TENM1: variants seen among roughly 807,000 people sequenced by gnomAD.
TENM1 encodes the protein teneurin-1.
TENM1 carries 35 observed loss-of-function variants against 174.8 expected under a neutral mutation model. The ratio of observed to expected loss-of-function variants is 0.20; its 90% CI spans 0.15 to 0.27. The LOEUF (loss-of-function observed/expected upper bound fraction) is 0.27. TENM1 is among the 10% of genes least tolerant of loss of function. TENM1 has a pLI of 1.00. For synonymous variants in TENM1, 781 were observed against 798.7 expected (o/e 0.98, Z 0.37); for missense variants, 1,633 against 2,130.1 (o/e 0.77, Z 4.59).
At chrX:125,142,895 C>T in the TENM1 span, among the ~76,000 whole-genome samples, 1 of 111,720 alleles carries the variant, frequency 9.0e-6, no homozygotes, top group Non-Finnish European at 1.9e-5. Flanking sequence ...GCCCCTAAAT[C>T]GGCCCATCAA....
the TENM1 span, among the ~76,000 whole-genome samples, chrX:125,124,836 G>A: frequency 8.9e-6 from 1 of 112,084 alleles, no homozygotes; most frequent in Admixed American, 9.5e-5. Context: ...ACGTTTTGGA[G>A]TGGAAATAAC....
chrX:124,761,156 T>C lies in TENM1; in HGVS notation c.536-23959A>G, dbSNP rs182700523. On this transcript the variant is annotated intron_variant, in intron 3 of 31. Coordinates refer to ENST00000422452, the Ensembl canonical transcript of TENM1. ...GTGGCGATTCCTCAAGGATCTAGAA[T>C]TGGAAATACCATTTGACCCAGCCAT... is the stretch of plus-strand genomic sequence containing the variant. Among the ~76,000 whole-genome samples, 51 of 111,127 alleles carry C rather than the reference T, an allele frequency of 4.6e-4. 1 individual carries two copies. Among genetic ancestry groups the C allele is most frequent in the African/African-American group, 1.6e-3 (49 of 30,584 alleles).
chrX:125,144,234 G>T, the TENM1 span, among the ~76,000 whole-genome samples: 4 of 111,072 alleles, frequency 3.6e-5, no homozygotes, highest in Non-Finnish European at 5.7e-5. Flanking sequence ...TTTAAACATT[G>T]AATAATATAA....
At chrX:124,787,088 T>C (rs1370880000) in intron 3 of TENM1, among the ~76,000 whole-genome samples, 3 of 111,452 alleles carry the variant, frequency 2.7e-5, no homozygotes, top group Non-Finnish European at 5.7e-5. Context: ...AAATAAAAAA[T>C]ATTATTGCCC....
At chrX:125,115,156 T>G in the TENM1 span, among the ~76,000 whole-genome samples, 3 of 111,719 alleles carry the variant, frequency 2.7e-5, no homozygotes, top group Non-Finnish European at 5.6e-5. Flanking sequence ...ATTATCTCAA[T>G]AGATCCAGAA....
intron 1 of TENM1, among the ~76,000 whole-genome samples, chrX:124,923,044 T>C (rs1199176970): frequency 2.7e-5 from 3 of 112,120 alleles, no homozygotes; most frequent in African/African-American, 9.7e-5. Flanking sequence ...TTCTATTTAT[T>C]TGACAAAATA....
At chrX:124,508,828 T>C (rs990357750) in intron 18 of TENM1, among the ~76,000 whole-genome samples, 2 of 111,980 alleles carry the variant, frequency 1.8e-5, no homozygotes, top group Non-Finnish European at 3.8e-5. Context: ...ACCTGGGCAC[T>C]GCCCTCCTCT....
At chrX:124,602,638 G>T (rs973471291) in intron 11 of TENM1, among the ~76,000 whole-genome samples, 18 of 110,148 alleles carry the variant, frequency 1.6e-4, no homozygotes, top group African/African-American at 5.9e-4. Flanking sequence ...AGCCACATAG[G>T]GAAACGCAGG....
At chrX:125,009,553 A>G in the TENM1 span, among the ~76,000 whole-genome samples, 1 of 111,685 alleles carries the variant, frequency 9.0e-6, no homozygotes, top group Non-Finnish European at 1.9e-5. Flanking sequence ...TCATCCTGAT[A>G]CCAAAACCAG....
chrX:124,954,786 C>A (rs112949098), intron 1 of TENM1, among the ~76,000 whole-genome samples: 1 of 111,632 alleles, frequency 9.0e-6, no homozygotes, highest in African/African-American at 3.3e-5. Context: ...TATTTATTGT[C>A]ATTAATGTTC....
exon 27 of TENM1, chrX:124,405,177 G>C: frequency 8.3e-7 from 1 of 1,211,614 alleles, no homozygotes; most frequent in Non-Finnish European, 1.1e-6. Flanking sequence ...AGGATGTGGG[G>C]CTCTGAGCTG....
chrX:124,761,057 G>A (rs1459827051), intron 3 of TENM1, among the ~76,000 whole-genome samples: 1 of 111,841 alleles, frequency 8.9e-6, no homozygotes, highest in Non-Finnish European at 1.9e-5. Context: ...AGGTGCTGGA[G>A]AGGATGTGGA....
chrX:124,948,256 G>A (rs1224124394), intron 1 of TENM1, among the ~76,000 whole-genome samples: 1 of 111,678 alleles, frequency 9.0e-6, no homozygotes, highest in Admixed American at 9.5e-5. Context: ...GAACACTATG[G>A]GGAAAGACTC....
chrX:125,191,839 G>A, the TENM1 span, among the ~76,000 whole-genome samples: 3 of 111,630 alleles, frequency 2.7e-5, no homozygotes, highest in African/African-American at 6.5e-5. Flanking sequence ...CAATGCAACC[G>A]TATTAAGAGG....
At chrX:125,115,469 T>A in the TENM1 span, among the ~76,000 whole-genome samples, 2,567 of 111,413 alleles carry the variant, frequency 0.023, 79 homozygotes, top group African/African-American at 0.08. Context: ...GCAGAGGACA[T>A]GATGGTATAT....
intron 3 of TENM1, among the ~76,000 whole-genome samples, chrX:124,893,697 A>T (rs1416429530): frequency 8.9e-6 from 1 of 111,940 alleles, no homozygotes; most frequent in Non-Finnish European, 1.9e-5. Context: ...AAACCCAATG[A>T]ACACAATGAA....
the TENM1 span, among the ~76,000 whole-genome samples, chrX:125,083,482 C>G: frequency 1.5e-4 from 17 of 110,189 alleles, no homozygotes; most frequent in African/African-American, 5.3e-4. Flanking sequence ...TTTCATCCCT[C>G]TACCCAAGAT....
the TENM1 span, among the ~76,000 whole-genome samples, chrX:125,050,430 C>T: frequency 3.6e-5 from 4 of 109,768 alleles, no homozygotes; most frequent in Non-Finnish European, 7.6e-5. Flanking sequence ...TTTGTCCTTG[C>T]AATAGTTTGC....
the TENM1 span, among the ~76,000 whole-genome samples, chrX:124,969,706 G>C: frequency 9.0e-6 from 1 of 111,709 alleles, no homozygotes; most frequent in Non-Finnish European, 1.9e-5. Flanking sequence ...CGGCAGGACT[G>C]AGATTTCAAT....
Sources: gnomAD v4.1 joint callset for allele counts (sites outside exome capture counted in the v4.1 genomes callset) on GRCh38, gnomAD v4.1.1 for gene constraint, MANE v1.5 for transcripts, NCBI Gene and HGNC (gene_info 2026-07-23, HGNC 2026-07-21) for gene names.